Variants in KIAA1671 observed in about 807,000 individuals in gnomAD.
KIAA1671 encodes uncharacterized protein KIAA1671.
In KIAA1671, 52 loss-of-function variants were observed where a neutral mutation model predicts 131.2. That is an observed-to-expected ratio of 0.40 (90% CI 0.32 to 0.50). The LOEUF is 0.50. KIAA1671 is among the 20% of genes least tolerant of loss of function. The probability of loss-of-function intolerance (pLI) is 0.73; values close to 1 mark genes in which losing one functional copy is unlikely to be tolerated. For missense variants in KIAA1671, 2,360 were observed against 2,364.2 expected, an observed-to-expected ratio of 1.00 and a Z score of 0.04; for synonymous variants, 1,003 against 961.6, an observed-to-expected ratio of 1.04 and a Z score of -0.80.
intron 6 of KIAA1671, among the ~76,000 whole-genome samples, chr22:25,068,421 C>G (rs1243601742): frequency 6.6e-6 from 1 of 152,136 alleles, no homozygotes; most frequent in Non-Finnish European, 1.5e-5. Context: ...AGCACCCTCT[C>G]CTTGTTTTTT....
chr22:25,040,043 TGTG>T lies in KIAA1671; in HGVS notation c.2915_2917del (p.Val972del). 6.4e-7 allele frequency: 1 copy of T among 1,551,700 alleles called. No homozygotes were observed. The highest frequency in any genetic ancestry group is 8.7e-7 in the Non-Finnish European group (1 of 1,147,004). ...CTCTTGTCCCAGAGGACTCTCCACA[TGTG>T]GGGCACAGACGAACAGATTATGTGA... On this transcript the variant is annotated inframe_deletion, in exon 5 of 13. Transcript: ENST00000358431.
chr22:25,021,026 A>G (rs1441925594), intron 1 of KIAA1671, among the ~76,000 whole-genome samples: 1 of 152,112 alleles, frequency 6.6e-6, no homozygotes, highest in African/African-American at 2.4e-5. Flanking sequence ...AATGGATTGG[A>G]GGAGGCCACA....
At chr22:25,014,692 A>C (rs1171787489) in intron 1 of KIAA1671, 3 of 152,174 alleles carry the variant, frequency 2.0e-5, no homozygotes, top group African/African-American at 4.8e-5. Context: ...GGTGTGAGCC[A>C]CCACACCTGG....
intron 6 of KIAA1671, among the ~76,000 whole-genome samples, chr22:25,103,999 G>C (rs192584362): frequency 6.6e-6 from 1 of 152,184 alleles, no homozygotes; most frequent in Non-Finnish European, 1.5e-5. Flanking sequence ...TTTGTTTTGA[G>C]ATGGAATCTT....
intron 6 of KIAA1671, among the ~76,000 whole-genome samples, chr22:25,069,586 C>T (rs918560516): frequency 1.3e-4 from 20 of 152,272 alleles, no homozygotes; most frequent in African/African-American, 4.8e-4. Context: ...CTTTAGCTAC[C>T]AACTCACCGC....
At chr22:25,161,456 A>G (rs1312284439) in intron 6 of KIAA1671, among the ~76,000 whole-genome samples, 1 of 152,218 alleles carries the variant, frequency 6.6e-6, no homozygotes, top group African/African-American at 2.4e-5. Context: ...CAGCTCAGAC[A>G]GGGGCCTGTG....
At chr22:25,149,370 T>C (rs541270726) in intron 6 of KIAA1671, among the ~76,000 whole-genome samples, 7 of 152,190 alleles carry the variant, frequency 4.6e-5, no homozygotes, top group Non-Finnish European at 1.0e-4. Context: ...CCACCTCTTT[T>C]CTTCTTCACT....
chr22:25,187,182 G>A (rs1342733900), intron 11 of KIAA1671, among the ~76,000 whole-genome samples: 2 of 152,200 alleles, frequency 1.3e-5, no homozygotes. Context: ...CCAGGGCCAC[G>A]GGTCTCAGGA....
intron 3 of KIAA1671, among the ~76,000 whole-genome samples, chr22:25,032,171 C>T (rs1487859978): frequency 2.0e-5 from 3 of 152,202 alleles, no homozygotes; most frequent in South Asian, 2.1e-4. Context: ...GCTGTTTTAC[C>T]TGGCACTGCT....
chr22:25,170,649 C>T (rs1056152542), intron 6 of KIAA1671, among the ~76,000 whole-genome samples, 171 bp from the exon 7 acceptor site: 4 of 152,170 alleles, frequency 2.6e-5, no homozygotes, highest in African/African-American at 9.7e-5. Context: ...TAAACCAGGA[C>T]GATTGGTCAC....
At chr22:24,957,916 G>T (rs1281026417) in intron 1 of KIAA1671, among the ~76,000 whole-genome samples, 1 of 148,134 alleles carries the variant, frequency 6.8e-6, no homozygotes, top group African/African-American at 2.5e-5. Context: ...GACCTCATGT[G>T]ATCCACCCAC....
intron 6 of KIAA1671, among the ~76,000 whole-genome samples, chr22:25,065,917 G>C (rs1928451053): frequency 6.6e-6 from 1 of 152,184 alleles, no homozygotes. Context: ...GGTATTACAA[G>C]TGTGAGCCAC....
In KIAA1671 at chr22:25,029,424, GGTT is replaced by G; in HGVS notation, c.1428_1430del (p.Val477del). ...CGGCGGCACCAGAGCCGGAGAAAGG[GGTT>G]GTGAGCGTTCAGGAACGGATCAGAG... is the stretch of plus-strand genomic sequence containing the variant. On this transcript the variant is annotated inframe_deletion, in exon 3 of 13. Transcript: ENST00000358431. The G allele has an allele frequency of 1.9e-6, 3 of 1,551,466 alleles. No homozygotes were observed. The highest frequency in any genetic ancestry group is 2.6e-6 in the Non-Finnish European group (3 of 1,146,864).
intron 6 of KIAA1671, among the ~76,000 whole-genome samples, chr22:25,149,209 A>T (rs1458637864): frequency 6.6e-6 from 1 of 152,192 alleles, no homozygotes; most frequent in East Asian, 1.9e-4. Context: ...GACTTGCCCA[A>T]GGCTGCACAG....
chr22:24,975,954 C>T (rs1188885154), intron 1 of KIAA1671, among the ~76,000 whole-genome samples: 1 of 152,224 alleles, frequency 6.6e-6, no homozygotes, highest in African/African-American at 2.4e-5. Flanking sequence ...GCACCATCCA[C>T]ACTCCCCGCC....
intron 6 of KIAA1671, among the ~76,000 whole-genome samples, chr22:25,159,610 C>T (rs1284285387): frequency 6.6e-6 from 1 of 152,108 alleles, no homozygotes; most frequent in African/African-American, 2.4e-5. Flanking sequence ...GCACCGACCA[C>T]ATGCCAGGCA....
chr22:25,113,632 C>T (rs1319325422), intron 6 of KIAA1671, among the ~76,000 whole-genome samples: 3 of 152,188 alleles, frequency 2.0e-5, no homozygotes, highest in Admixed American at 1.3e-4. Flanking sequence ...CCCCAGGTCA[C>T]GCAGCAGCCA....
intron 6 of KIAA1671, among the ~76,000 whole-genome samples, chr22:25,123,431 A>G (rs1022047378): frequency 2.0e-4 from 30 of 152,078 alleles, no homozygotes; most frequent in African/African-American, 7.0e-4. Context: ...TGACCTTGTG[A>G]TCCACCCGCC....
intron 1 of KIAA1671, among the ~76,000 whole-genome samples, chr22:24,984,125 C>A (rs1923384716): frequency 6.6e-6 from 1 of 151,466 alleles, no homozygotes; most frequent in Non-Finnish European, 1.5e-5. Context: ...TAAGCAGGGA[C>A]ATTATGTGGT....
Sources: allele counts gnomAD v4.1 joint callset (sites outside exome capture counted in the v4.1 genomes callset), GRCh38; gene constraint gnomAD v4.1.1; transcripts MANE v1.5; gene names NCBI Gene and HGNC (gene_info 2026-07-23, HGNC 2026-07-21).